Variants in RARB observed in about 807,000 individuals in gnomAD.
The protein encoded by RARB is retinoic acid receptor beta, also known as HBV-activated protein.
A neutral mutation model predicts 51.9 loss-of-function variants in RARB; 17 were observed. The ratio of observed to expected loss-of-function variants is 0.33; its 90% CI spans 0.22 to 0.49. The LOEUF (loss-of-function observed/expected upper bound fraction) is 0.49, where lower values mean the gene tolerates loss of function less well. RARB is among the 20% of genes least tolerant of loss of function. RARB has a pLI of 0.99. For missense variants in RARB, 369 were observed against 550.8 expected, an observed-to-expected ratio of 0.67 and a Z score of 3.30; for synonymous variants, 215 against 195.4, an observed-to-expected ratio of 1.10 and a Z score of -0.84.
In RARB at chr3:25,120,867, C is replaced by A. The variant is rs377361639; in HGVS notation, c.-327-11294C>A. ...AAGTTTCACTGCAAATAAGCCACACCCGTCATTGACATATTGTCTATGGCC... is the reference window on the plus strand; with the variant it reads ...AAGTTTCACTGCAAATAAGCCACACACGTCATTGACATATTGTCTATGGCC... On this transcript the variant is annotated intron_variant, in intron 3 of 11. Transcript: ENST00000383772. 3.5e-4 allele frequency among the ~76,000 whole-genome samples: 54 copies of A among 152,190 alleles called. 1 individual carries two copies. The South Asian group carries it at 0.01, about 29-fold the overall frequency.
At chr3:24,988,365 A>G (rs1338438424) in intron 2 of RARB, among the ~76,000 whole-genome samples, 2 of 152,218 alleles carry the variant, frequency 1.3e-5, no homozygotes, top group Non-Finnish European at 2.9e-5. Flanking sequence ...TCATGTTTTT[A>G]AAACTATAAA....
intron 2 of RARB, among the ~76,000 whole-genome samples, chr3:24,945,108 T>G (rs1185209213): frequency 6.6e-6 from 1 of 152,242 alleles, no homozygotes; most frequent in Non-Finnish European, 1.5e-5. Context: ...TCTATTATGT[T>G]GAAGTTATGT....
At chr3:25,253,693 A>G (rs777951633) in intron 5 of RARB, among the ~76,000 whole-genome samples, 1 of 152,220 alleles carries the variant, frequency 6.6e-6, no homozygotes, top group African/African-American at 2.4e-5. Flanking sequence ...ATAATAGTCA[A>G]AAGCTATAGC....
At chr3:25,010,233 T>C (rs1043319645) in intron 2 of RARB, among the ~76,000 whole-genome samples, 2 of 152,120 alleles carry the variant, frequency 1.3e-5, no homozygotes, top group South Asian at 2.1e-4. Context: ...TAAATGTCTT[T>C]CCTACAGTGA....
chr3:25,031,277 G>T (rs762344551), intron 2 of RARB, among the ~76,000 whole-genome samples: 1 of 152,162 alleles, frequency 6.6e-6, no homozygotes, highest in Non-Finnish European at 1.5e-5. Context: ...CACTGGACTA[G>T]CTCAGTGTTA....
chr3:25,414,579 G>C (rs1707651635), intron 5 of RARB, among the ~76,000 whole-genome samples: 4 of 152,138 alleles, frequency 2.6e-5, no homozygotes, highest in Admixed American at 2.6e-4. Context: ...GGTATGGCAG[G>C]CTTTTTAATT....
chr3:25,492,756 C>A (rs1453444854), intron 2 of RARB, among the ~76,000 whole-genome samples: 3 of 152,124 alleles, frequency 2.0e-5, no homozygotes. Context: ...AAAATTCAGG[C>A]TTTCTTTTCT....
intron 2 of RARB, among the ~76,000 whole-genome samples, chr3:25,040,362 G>A (rs1337120073): frequency 6.6e-6 from 1 of 152,188 alleles, no homozygotes; most frequent in Admixed American, 6.5e-5. Context: ...TGGTTCATAG[G>A]AGGGTGGAAT....
At chr3:25,371,079 G>A (rs77135812) in intron 5 of RARB, among the ~76,000 whole-genome samples, 2,988 of 152,176 alleles carry the variant, frequency 0.02, 89 homozygotes, top group African/African-American at 0.064. Context: ...TCTCCTGCAG[G>A]TCTTTAACTT....
At chr3:25,530,880 A>G (rs1481970853) in intron 3 of RARB, among the ~76,000 whole-genome samples, 1 of 152,222 alleles carries the variant, frequency 6.6e-6, no homozygotes, top group Non-Finnish European at 1.5e-5. Flanking sequence ...AATTTAAGAG[A>G]GTGACAGCAT....
intron 5 of RARB, among the ~76,000 whole-genome samples, chr3:25,231,802 C>A (rs547356143): frequency 6.6e-6 from 1 of 152,208 alleles, no homozygotes; most frequent in East Asian, 1.9e-4. Flanking sequence ...TTAATATAAT[C>A]TGCTTATATG....
intron 2 of RARB, among the ~76,000 whole-genome samples, chr3:24,883,857 GTATTTTAATAC>G (rs1211983955): frequency 1.3e-5 from 2 of 152,056 alleles, no homozygotes; most frequent in Non-Finnish European, 2.9e-5. Context: ...TAAGTTGCTA[GTATTTTAATAC>G]TTCATTTATA....
At chr3:25,473,663 C>A (rs1460418995) in intron 2 of RARB, among the ~76,000 whole-genome samples, 1 of 152,124 alleles carries the variant, frequency 6.6e-6, no homozygotes, top group African/African-American at 2.4e-5. Flanking sequence ...AGGGTGTCTG[C>A]TTCCTTTTCA....
chr3:25,034,727 T>A (rs1195999501), intron 2 of RARB, among the ~76,000 whole-genome samples: 1 of 152,052 alleles, frequency 6.6e-6, no homozygotes, highest in Non-Finnish European at 1.5e-5. Context: ...CAAGCCTACA[T>A]ACAATGTTTT....
chr3:25,122,616 G>T (rs1299879248), intron 3 of RARB, among the ~76,000 whole-genome samples: 1 of 152,050 alleles, frequency 6.6e-6, no homozygotes, highest in East Asian at 1.9e-4. Flanking sequence ...GTCCCCATCT[G>T]GTACTCTGAT....
Position 25,274,836 on chromosome 3 carries a change from G to A in RARB, c.178+100261G>A, listed in dbSNP as rs150794683. Among the ~76,000 whole-genome samples, 4 of 152,098 alleles carry A rather than the reference G, an allele frequency of 2.6e-5. No individual in the cohort carries two copies. In the East Asian group the frequency reaches 7.8e-4, roughly 30 times the overall value. ...TAAGGCATCTTAGGGCTCAGGGTCG[G>A]GACTGGCAGACTGACATTTCTACCC... is the stretch of plus-strand genomic sequence containing the variant. On this transcript the variant is annotated intron_variant, in intron 5 of 11. Transcript: ENST00000383772.
At chr3:25,551,243 A>G (rs1012473808) in intron 3 of RARB, among the ~76,000 whole-genome samples, 2 of 152,192 alleles carry the variant, frequency 1.3e-5, no homozygotes, top group African/African-American at 4.8e-5. Flanking sequence ...GTAAGGAGTC[A>G]TCTGTGGAAC....
At chr3:25,211,084 C>G (rs1282515060) in intron 5 of RARB, among the ~76,000 whole-genome samples, 3 of 152,100 alleles carry the variant, frequency 2.0e-5, no homozygotes, top group Non-Finnish European at 4.4e-5. Flanking sequence ...AGAGTCATGC[C>G]TGGGACATAG....
chr3:25,094,716 C>CAAAAAAAAAAAAAAAAAAAA (rs57477720), intron 3 of RARB, among the ~76,000 whole-genome samples: 2 of 43,104 alleles, frequency 4.6e-5, no homozygotes, highest in Non-Finnish European at 7.9e-5. Context: ...GACCCCATCT[C>CAAAAAAAAAAAAAAAAAAAA]AAAAAAAAAA....
Sources: allele counts gnomAD v4.1 joint callset (sites outside exome capture counted in the v4.1 genomes callset), GRCh38; gene constraint gnomAD v4.1.1; transcripts MANE v1.5; gene names NCBI Gene and HGNC (gene_info 2026-07-23, HGNC 2026-07-21).